The following LY75 variants were observed in gnomAD, a reference collection of about 807,000 sequenced individuals.
LY75 encodes the protein C-type lectin domain family 13 member B.
LY75 carries 185 observed loss-of-function variants against 231.7 expected under a neutral mutation model. The observed-to-expected ratio is 0.80, with a 90% CI of 0.71 to 0.90. The LOEUF (loss-of-function observed/expected upper bound fraction) is 0.90. Among genes scored for constraint, LY75 ranks in the 40% least tolerant of loss-of-function variants. The probability of loss-of-function intolerance (pLI) is 0.00; values close to 1 mark genes in which losing one functional copy is unlikely to be tolerated. For missense variants in LY75, 1,947 were observed against 2,050.2 expected, an observed-to-expected ratio of 0.95 and a Z score of 0.97; for synonymous variants, 668 against 689.0, an observed-to-expected ratio of 0.97 and a Z score of 0.48.
chr2:159,828,443 A>G lies in LY75; in HGVS notation c.3958+3227T>C, dbSNP rs570563278. Among the ~76,000 whole-genome samples the G allele has an allele frequency of 3.9e-5, 6 of 152,274 alleles. 1 individual carries two copies. The highest frequency in any genetic ancestry group is 1.2e-4 in the African/African-American group (5 of 41,574). The stretch of plus-strand genomic sequence containing the variant: ...TAGCCATTAGGGAAATGAAATAAAA[A>G]TCCCAGTGAGATATCATTCCACACT... On this transcript the variant is annotated intron_variant, in intron 28 of 34. Transcript: ENST00000263636.
intron 32 of LY75, 109 bp downstream of exon 32, chr2:159,810,417 A>G: frequency 7.0e-7 from 1 of 1,432,964 alleles, no homozygotes. Flanking sequence ...AGAAATGGAA[A>G]GTGCTTTAAA....
chr2:159,893,388 G>A (rs1190363994), intron 3 of LY75, among the ~76,000 whole-genome samples: 2 of 152,130 alleles, frequency 1.3e-5, no homozygotes, highest in East Asian at 3.8e-4. Context: ...TCTGTTCAAC[G>A]AACTGGAACA....
rs543787130 is a variant in LY75 at position 159,810,279 on chromosome 2, G to A, written c.4699+247C>T. Among the ~76,000 whole-genome samples the A allele has an allele frequency of 1.0e-3, 153 of 151,316 alleles. 1 individual carries two copies. The highest frequency in any genetic ancestry group is 2.7e-3 in the African/African-American group (113 of 41,218). On this transcript the variant is annotated intron_variant, in intron 32 of 34. Transcript: ENST00000263636. The stretch of plus-strand genomic sequence containing the variant: ...GATCTCTTGACCTCATGATCTGCCC[G>A]CCTTGGCCTCCCAAAGTGCTGGGAT...
chr2:159,828,126 G>T (rs1458361491), intron 28 of LY75, among the ~76,000 whole-genome samples: 1 of 151,182 alleles, frequency 6.6e-6, no homozygotes, highest in Non-Finnish European at 1.5e-5. Context: ...GAAAAAAAAA[G>T]AAAAACACTT....
chr2:159,882,983 A>G (rs969431730), intron 6 of LY75, among the ~76,000 whole-genome samples: 1 of 152,010 alleles, frequency 6.6e-6, no homozygotes, highest in Non-Finnish European at 1.5e-5. Flanking sequence ...GATTAGAAAA[A>G]AAGAATGAAG....
intron 21 of LY75, among the ~76,000 whole-genome samples, chr2:159,851,020 G>A (rs527659708): frequency 2.0e-5 from 3 of 151,404 alleles, no homozygotes; most frequent in African/African-American, 7.3e-5. Context: ...ACAATAGTAA[G>A]GTCAGTATCT....
intron 2 of LY75, among the ~76,000 whole-genome samples, chr2:159,895,980 T>C (rs1685899429): frequency 6.6e-6 from 1 of 152,232 alleles, no homozygotes; most frequent in South Asian, 2.1e-4. Flanking sequence ...TTTATGATGA[T>C]AGCATCCTTA....
chr2:159,863,554 T>A (rs546375389), intron 14 of LY75, among the ~76,000 whole-genome samples: 3 of 152,306 alleles, frequency 2.0e-5, no homozygotes, highest in East Asian at 3.9e-4. Context: ...TGATTAGTGA[T>A]GTTGAGCATT....
chr2:159,874,149 G>T (rs1685113062), intron 12 of LY75, among the ~76,000 whole-genome samples: 1 of 110,130 alleles, frequency 9.1e-6, no homozygotes, highest in African/African-American at 3.2e-5. Context: ...TATATATTTT[G>T]TAAATATATA....
At chr2:159,867,536 T>C (rs924936883) in intron 13 of LY75, among the ~76,000 whole-genome samples, 2 of 152,220 alleles carry the variant, frequency 1.3e-5, no homozygotes, top group African/African-American at 2.4e-5. Flanking sequence ...TTTAAAACTA[T>C]TGGGTTAAGA....
intron 2 of LY75, 70 bp downstream of exon 2, chr2:159,898,618 T>C (rs1685970558): frequency 6.5e-7 from 1 of 1,546,986 alleles, no homozygotes. Flanking sequence ...TTTTACTAAA[T>C]TGTGCATGTT....
Position 159,819,592 on chromosome 2 carries a change from G to A in LY75, c.4153+134C>T, listed in dbSNP as rs900467533. ...CAGGGCCCGTATCTTTTCCTTCCTC[G>A]ATAACCTCTGTAACACCTCGCACAG... On this transcript the variant is annotated intron_variant, in intron 29 of 34. Transcript: ENST00000263636. The A allele has an allele frequency of 3.1e-5, 34 of 1,097,694 alleles. No individual in the cohort carries two copies. The East Asian group carries it at 5.7e-4, about 18-fold the overall frequency. The allele number at this position is 1,097,694 out of a possible 1,614,324, so 68.0% of individuals were successfully genotyped here. A position where few individuals can be genotyped will look rare whatever the true frequency, so the allele number is the denominator to read the frequency against.
intron 12 of LY75, among the ~76,000 whole-genome samples, chr2:159,873,912 G>A (rs1453606985): frequency 6.5e-5 from 2 of 30,736 alleles, no homozygotes; most frequent in East Asian, 8.5e-4. Flanking sequence ...ACATATAAAC[G>A]TATATATTTT....
In LY75 at chr2:159,831,684, C is replaced by T. The variant is rs2125841212; in HGVS notation, c.3944G>A (p.Gly1315Glu). The T allele has an allele frequency of 6.2e-7, 1 of 1,608,890 alleles. No individual in the cohort carries two copies. The highest frequency in any genetic ancestry group is 1.1e-5 in the South Asian group (1 of 89,328). Reference sequence around the variant, plus strand: ...TTACAACTTACTTCTATAAGTTATTCCTAACATGACCCATGAAGCCATATA... The same window carrying T: ...TTACAACTTACTTCTATAAGTTATTTCTAACATGACCCATGAAGCCATATA... ...FNYMASWVML[G>E]ITYRNKSLMW... Residue 1315 changes from glycine to glutamate, a missense_variant, in exon 28 of 35, where the codon GGA (glycine) becomes GAA (glutamate). Gly to Glu is a moderately conservative substitution (Grantham distance 98, BLOSUM62 -2). Coordinates refer to ENST00000263636, the MANE Select transcript of LY75 (RefSeq NM_002349.4).
chr2:159,886,651 T>C (rs1685596271), intron 4 of LY75, 121 bp from the exon 5 acceptor site: 2 of 983,368 alleles, frequency 2.0e-6, no homozygotes, highest in South Asian at 4.0e-5. Context: ...GCAATCCCTG[T>C]AGAGGGCTGT....
intron 12 of LY75, among the ~76,000 whole-genome samples, chr2:159,873,518 C>T (rs1685079974): frequency 6.6e-6 from 1 of 152,150 alleles, no homozygotes; most frequent in African/African-American, 2.4e-5. Flanking sequence ...CCCAGCACAG[C>T]TGACCTGAAG....
intron 31 of LY75, among the ~76,000 whole-genome samples, chr2:159,814,734 C>T (rs1458021743): frequency 6.6e-6 from 1 of 150,892 alleles, no homozygotes; most frequent in Non-Finnish European, 1.5e-5. Context: ...AGAAAAGAAA[C>T]TCTCTTAGAA....
At chr2:159,889,473 C>T (rs1245199693) in intron 4 of LY75, among the ~76,000 whole-genome samples, 2 of 152,118 alleles carry the variant, frequency 1.3e-5, no homozygotes, top group African/African-American at 4.8e-5. Flanking sequence ...AGTAATCCTC[C>T]TGCCTTTACC....
chr2:159,806,406 CTTT>C (rs1682794048), intron 34 of LY75, among the ~76,000 whole-genome samples: 1 of 152,132 alleles, frequency 6.6e-6, no homozygotes, highest in East Asian at 1.9e-4. Flanking sequence ...TATGCAAGAT[CTTT>C]AAAAATGTTA....
Sources: gnomAD v4.1 joint callset for allele counts (sites outside exome capture counted in the v4.1 genomes callset) on GRCh38, gnomAD v4.1.1 for gene constraint, MANE v1.5 for transcripts, NCBI Gene and HGNC (gene_info 2026-07-23, HGNC 2026-07-21) for gene names.